SLC6A11: variants seen among roughly 807,000 people sequenced by gnomAD.
SLC6A11 encodes the protein sodium- and chloride-dependent GABA transporter 3.
A neutral mutation model predicts 74.8 loss-of-function variants in SLC6A11; 25 were observed. That is an observed-to-expected ratio of 0.33 (90% CI 0.24 to 0.47). The LOEUF (loss-of-function observed/expected upper bound fraction) is 0.47, where lower values mean the gene tolerates loss of function less well. Among genes scored for constraint, SLC6A11 ranks in the 20% least tolerant of loss-of-function variants. The probability of loss-of-function intolerance (pLI) is 1.00; values close to 1 mark genes in which losing one functional copy is unlikely to be tolerated. For synonymous variants in SLC6A11, 330 were observed against 330.2 expected, an observed-to-expected ratio of 1.00 and a Z score of 0.01; for missense variants, 574 against 837.0, an observed-to-expected ratio of 0.69 and a Z score of 3.88.
At chr3:10,879,359 GT>G (rs1694947927) in intron 6 of SLC6A11, among the ~76,000 whole-genome samples, 1 of 152,154 alleles carries the variant, frequency 6.6e-6, no homozygotes, top group Non-Finnish European at 1.5e-5. Flanking sequence ...GTATGTTGGT[GT>G]GTTTTGGCAG....
intron 5 of SLC6A11, among the ~76,000 whole-genome samples, chr3:10,867,735 G>A (rs1017538436): frequency 2.6e-5 from 4 of 152,308 alleles, no homozygotes; most frequent in East Asian, 1.9e-4. Flanking sequence ...ATCCAATTAC[G>A]AAGTGAGACA....
chr3:10,927,253 G>A (rs748966586), intron 9 of SLC6A11, among the ~76,000 whole-genome samples: 4 of 152,294 alleles, frequency 2.6e-5, no homozygotes, highest in African/African-American at 4.8e-5. Context: ...CAGCTTATGC[G>A]TGACAGGCCA....
At chr3:10,908,214 A>G (rs760900933) in intron 6 of SLC6A11, among the ~76,000 whole-genome samples, 12 of 152,208 alleles carry the variant, frequency 7.9e-5, no homozygotes, top group Non-Finnish European at 1.5e-4. Context: ...GAATATAATA[A>G]CATATATATG....
chr3:10,894,030 G>C (rs1695140563), intron 6 of SLC6A11, among the ~76,000 whole-genome samples: 1 of 152,174 alleles, frequency 6.6e-6, no homozygotes, highest in South Asian at 2.1e-4. Context: ...CGAAGCCAAG[G>C]CCACTGTGTC....
chr3:10,820,833 G>A (rs557876261), intron 3 of SLC6A11, among the ~76,000 whole-genome samples: 2 of 152,258 alleles, frequency 1.3e-5, no homozygotes, highest in African/African-American at 4.8e-5. Flanking sequence ...ACTGGAATTG[G>A]CGCACACACT....
At chr3:10,828,028 A>G (rs1694237945) in intron 4 of SLC6A11, among the ~76,000 whole-genome samples, 1 of 152,154 alleles carries the variant, frequency 6.6e-6, no homozygotes, top group East Asian at 1.9e-4. Context: ...TTCCCTTAGT[A>G]ACCCATTATG....
rs1388641270 is a variant in SLC6A11 at position 10,915,872 on chromosome 3, C to T, written c.996-2457C>T. Reference sequence around the variant, plus strand: ...CAACACCTGTGTGGATGCCCAGAGACAATTTTTTAAAGTGAGGATTTGTTC... The same window carrying T: ...CAACACCTGTGTGGATGCCCAGAGATAATTTTTTAAAGTGAGGATTTGTTC... On this transcript the variant is annotated intron_variant, in intron 7 of 13. Transcript: ENST00000254488. The surrounding 1 kb of genome is among the most constrained non-coding windows in gnomAD (Gnocchi z 4.3). Among the ~76,000 whole-genome samples the T allele has an allele frequency of 6.6e-6, 1 of 152,180 alleles. No individual in the cohort carries two copies. The highest frequency in any genetic ancestry group is 2.4e-5 in the African/African-American group (1 of 41,450).
At chr3:10,882,952 G>T (rs1695000111) in intron 6 of SLC6A11, among the ~76,000 whole-genome samples, 1 of 152,140 alleles carries the variant, frequency 6.6e-6, no homozygotes, top group Non-Finnish European at 1.5e-5. Flanking sequence ...TAGGGCCTGG[G>T]AGCCAGAAGA....
Position 10,940,325 on chromosome 3 carries a change from T to TTGC in SLC6A11, c.*1931_*1933dup, listed in dbSNP as rs1695809906. ...AGGCCCCAGGCAAGGAGGCTTCCCA[T>TTGC]TGCTGCTGCTACCGGTTCTCCACAG... On this transcript the variant is annotated 3_prime_UTR_variant, in exon 14 of 14. Transcript: ENST00000254488. 6.6e-6 allele frequency: 1 copy of TTGC among 152,044 alleles called. No individual in the cohort carries two copies. Among genetic ancestry groups the TTGC allele is most frequent in the Non-Finnish European group, 1.5e-5 (1 of 68,018 alleles). The allele number at this position is 152,044 out of a possible 1,614,324, so 9.4% of individuals were successfully genotyped here. A position where few individuals can be genotyped will look rare whatever the true frequency, so the allele number is the denominator to read the frequency against.
intron 5 of SLC6A11, among the ~76,000 whole-genome samples, chr3:10,852,322 A>G (rs1694586594): frequency 6.6e-6 from 1 of 152,238 alleles, no homozygotes; most frequent in Non-Finnish European, 1.5e-5. Context: ...CGAAGCCGCC[A>G]TGCCGTTGGG....
intron 4 of SLC6A11, among the ~76,000 whole-genome samples, chr3:10,839,278 A>T (rs1694407358): frequency 6.6e-6 from 1 of 152,238 alleles, no homozygotes; most frequent in South Asian, 2.1e-4. Context: ...ATAACTCATC[A>T]GAGCCAAACT....
chr3:10,849,392 C>T (rs775804438), intron 5 of SLC6A11, among the ~76,000 whole-genome samples: 6 of 152,188 alleles, frequency 3.9e-5, no homozygotes, highest in Non-Finnish European at 8.8e-5. Context: ...CCATCTTGCC[C>T]ATCCCTGTCA....
chr3:10,898,286 G>A (rs1209940943), intron 6 of SLC6A11, among the ~76,000 whole-genome samples: 2 of 152,234 alleles, frequency 1.3e-5, no homozygotes, highest in African/African-American at 4.8e-5. Flanking sequence ...AATTTCTGCA[G>A]TCAGCTTGAA....
intron 4 of SLC6A11, among the ~76,000 whole-genome samples, chr3:10,840,428 C>A (rs1055306987): frequency 6.6e-6 from 1 of 152,214 alleles, no homozygotes; most frequent in African/African-American, 2.4e-5. Context: ...CCACCTTTCT[C>A]TGTGCCCACC....
intron 5 of SLC6A11, among the ~76,000 whole-genome samples, chr3:10,859,389 G>T (rs896684375): frequency 1.9e-4 from 29 of 152,164 alleles, no homozygotes; most frequent in South Asian, 2.1e-4. Context: ...CAGTGTTTTG[G>T]CTGGAGTTGA....
chr3:10,865,420 T>C (rs1186870901), intron 5 of SLC6A11, among the ~76,000 whole-genome samples: 1 of 152,128 alleles, frequency 6.6e-6, no homozygotes, highest in Non-Finnish European at 1.5e-5. Flanking sequence ...TCCCAGCACT[T>C]TGGGAGGCCG....
chr3:10,920,059 G>A (rs913951475), intron 8 of SLC6A11, among the ~76,000 whole-genome samples: 6 of 152,170 alleles, frequency 3.9e-5, no homozygotes, highest in Non-Finnish European at 8.8e-5. Context: ...CTCAGTAGTA[G>A]CATTGCTTCT....
chr3:10,925,973 C>A, intron 8 of SLC6A11, 31 bp from the exon 9 acceptor site: 2 of 1,245,616 alleles, frequency 1.6e-6, no homozygotes, highest in South Asian at 1.2e-5. Context: ...GGGACTCCAC[C>A]CAGTGGCTTT....
In SLC6A11 at chr3:10,819,864, C is replaced by T. The variant is rs200928975; in HGVS notation, c.532+12C>T. ...TGAGTGGAACACAGGTATGGCCCCACGGAGGTCTCTCTGCTGGTCCTGCTG... is the reference window on the plus strand; with the variant it reads ...TGAGTGGAACACAGGTATGGCCCCATGGAGGTCTCTCTGCTGGTCCTGCTG... On this transcript the variant is annotated intron_variant, in intron 3 of 13. Coordinates refer to ENST00000254488, the MANE Select transcript of SLC6A11 (RefSeq NM_014229.3). 30 of 1,612,518 alleles carry T rather than the reference C, an allele frequency of 1.9e-5. No homozygotes were observed. The highest frequency in any genetic ancestry group is 4.4e-5 in the South Asian group (4 of 90,694).
Sources: allele counts gnomAD v4.1 joint callset (sites outside exome capture counted in the v4.1 genomes callset), GRCh38; gene constraint gnomAD v4.1.1; non-coding constraint Gnocchi (gnomAD v3.1); transcripts MANE v1.5; gene names NCBI Gene and HGNC (gene_info 2026-07-23, HGNC 2026-07-21).